Variants in RSU1 observed in about 807,000 individuals in gnomAD.
The protein encoded by RSU1 is rsu-1.
RSU1 carries 26 observed loss-of-function variants against 31.1 expected under a neutral mutation model. The observed-to-expected ratio is 0.84, with a 90% CI of 0.61 to 1.16. The LOEUF is 1.16. RSU1 is among the 50% of genes most tolerant of loss of function. The probability of loss-of-function intolerance (pLI) is 0.00; values close to 1 mark genes in which losing one functional copy is unlikely to be tolerated. For missense variants in RSU1, 320 were observed against 339.1 expected (o/e 0.94, Z 0.44); for synonymous variants, 164 against 136.3 (o/e 1.20, Z -1.41).
chr10:16,660,643 C>CTTTTT (rs1483500175), intron 8 of RSU1, among the ~76,000 whole-genome samples: 2 of 47,574 alleles, frequency 4.2e-5, no homozygotes, highest in Admixed American at 2.1e-4. Context: ...TTCTTGAACT[C>CTTTTT]TCTTTTTTTT....
At chr10:16,601,816 T>C (rs12245737) in intron 8 of RSU1, among the ~76,000 whole-genome samples, 11,140 of 152,150 alleles carry the variant, frequency 0.073, 1,101 homozygotes, top group African/African-American at 0.23. Flanking sequence ...GCAGGAAAGA[T>C]GGAGTGAGTG....
chr10:16,656,010 A>G (rs1229763328), intron 8 of RSU1, among the ~76,000 whole-genome samples: 2 of 149,668 alleles, frequency 1.3e-5, no homozygotes, highest in African/African-American at 2.4e-5. Context: ...TTCTTAATAT[A>G]TTTCTCATTA....
chr10:16,608,358 C>G (rs1833839158), intron 8 of RSU1, among the ~76,000 whole-genome samples: 1 of 152,140 alleles, frequency 6.6e-6, no homozygotes, highest in Admixed American at 6.5e-5. Context: ...AAAACAAAAA[C>G]AAGTAGAGTA....
chr10:16,661,834 C>G (rs925272828), intron 8 of RSU1, among the ~76,000 whole-genome samples: 2 of 152,300 alleles, frequency 1.3e-5, no homozygotes, highest in East Asian at 3.9e-4. Context: ...TCCTGGTCTC[C>G]TTTAGCACAT....
At chr10:16,637,834 A>C in intron 8 of RSU1, among the ~76,000 whole-genome samples, 1 of 152,142 alleles carries the variant, frequency 6.6e-6, no homozygotes, top group Non-Finnish European at 1.5e-5. Context: ...AAAAAAAAAA[A>C]AGTGATTTTC....
chr10:16,679,633 G>A (rs1231274474), intron 8 of RSU1, among the ~76,000 whole-genome samples: 2 of 152,182 alleles, frequency 1.3e-5, no homozygotes, highest in East Asian at 3.9e-4. Context: ...AGACAAGGCA[G>A]CACACGTGGA....
intron 2 of RSU1, among the ~76,000 whole-genome samples, chr10:16,807,032 A>G (rs1838286133): frequency 6.6e-6 from 1 of 152,144 alleles, no homozygotes; most frequent in Non-Finnish European, 1.5e-5. Flanking sequence ...CGCTGGGATT[A>G]CAGCAGGCAT....
chr10:16,615,825 A>G (rs781731546), intron 8 of RSU1, among the ~76,000 whole-genome samples: 46 of 152,258 alleles, frequency 3.0e-4, no homozygotes, highest in African/African-American at 1.1e-3. Flanking sequence ...TCTGAAACCA[A>G]TGAGAACAAA....
intron 8 of RSU1, among the ~76,000 whole-genome samples, chr10:16,614,351 ACCGGAGG>A (rs1400818844): frequency 6.6e-6 from 1 of 152,070 alleles, no homozygotes; most frequent in African/African-American, 2.4e-5. Context: ...AAGGATGGTG[ACCGGAGG>A]CTGGAAGGGG....
chr10:16,762,932 G>T (rs1837237897), intron 4 of RSU1, among the ~76,000 whole-genome samples: 1 of 151,278 alleles, frequency 6.6e-6, no homozygotes. Flanking sequence ...AGAATCGCTT[G>T]AACCCAGGAG....
chr10:16,689,718 A>G (rs894125968), intron 8 of RSU1, among the ~76,000 whole-genome samples: 1 of 152,236 alleles, frequency 6.6e-6, no homozygotes, highest in African/African-American at 2.4e-5. Flanking sequence ...TTGTTAACTA[A>G]TATGAATAAT....
chr10:16,660,549 C>T (rs1490010922), intron 8 of RSU1, among the ~76,000 whole-genome samples: 4 of 151,630 alleles, frequency 2.6e-5, no homozygotes, highest in Non-Finnish European at 4.4e-5. Context: ...TTTGTCATCC[C>T]TATGTCTTAC....
intron 7 of RSU1, among the ~76,000 whole-genome samples, chr10:16,731,347 G>A (rs915618063): frequency 3.4e-4 from 52 of 151,164 alleles, no homozygotes; most frequent in African/African-American, 1.2e-3. Context: ...GGAGAATGGC[G>A]TGAACCCAGG....
At chr10:16,673,040 T>C (rs10904787) in intron 8 of RSU1, among the ~76,000 whole-genome samples, 30,936 of 152,176 alleles carry the variant, frequency 0.2, 3,341 homozygotes, top group South Asian at 0.27. Flanking sequence ...GAACCTAGCA[T>C]GTCTCCTAGG....
At chr10:16,761,913 CTTGTAAGTCTGAGAAAT>C (rs572863383) in intron 4 of RSU1, among the ~76,000 whole-genome samples, 26 of 152,230 alleles carry the variant, frequency 1.7e-4, no homozygotes, top group Admixed American at 1.2e-3. Flanking sequence ...CTTCCTTCAA[CTTGTAAGTCTGAGAAAT>C]TCTCACGCAT....
intron 2 of RSU1, among the ~76,000 whole-genome samples, chr10:16,809,107 C>T (rs948322869): frequency 3.9e-5 from 6 of 152,202 alleles, no homozygotes; most frequent in African/African-American, 1.4e-4. Context: ...TACTATTAAT[C>T]CTATTATTGG....
rs1833497804 is a variant in RSU1 at position 16,591,085 on chromosome 10, G to T, written c.*2309C>A. 1 of 152,122 alleles carries T rather than the reference G, an allele frequency of 6.6e-6. No individual in the cohort carries two copies. The highest frequency in any genetic ancestry group is 2.4e-5 in the African/African-American group (1 of 41,430). The allele number at this position is 152,122 out of a possible 1,614,324, so 9.4% of individuals were successfully genotyped here. A position where few individuals can be genotyped will look rare whatever the true frequency, so the allele number is the denominator to read the frequency against. On this transcript the variant is annotated 3_prime_UTR_variant, in exon 9 of 9. Transcript: ENST00000345264. ...TGCTGCGACGCCCGGCTAATTTTTT[G>T]TATTTTAGTAGAGACGGGGTTTCAC...
chr10:16,781,991 A>C, intron 3 of RSU1, 43 bp downstream of exon 3: 1 of 1,543,102 alleles, frequency 6.5e-7, no homozygotes, highest in Non-Finnish European at 8.9e-7. Flanking sequence ...CCATAGGATT[A>C]CCTAAATGTC....
chr10:16,740,835 A>G (rs1035432314), intron 7 of RSU1, among the ~76,000 whole-genome samples: 26 of 152,228 alleles, frequency 1.7e-4, no homozygotes, highest in Admixed American at 1.5e-3. Context: ...AAAATATCCC[A>G]TGTTCATGGA....
Sources: gnomAD v4.1 joint callset for allele counts (sites outside exome capture counted in the v4.1 genomes callset) on GRCh38, gnomAD v4.1.1 for gene constraint, MANE v1.5 for transcripts, NCBI Gene and HGNC (gene_info 2026-07-23, HGNC 2026-07-21) for gene names.